Variants in KIAA0825 observed in about 807,000 individuals in gnomAD.
The protein encoded by KIAA0825 is uncharacterized protein KIAA0825.
Under a neutral mutation model 147.6 loss-of-function variants are expected in KIAA0825, and 119 were observed. The observed-to-expected ratio is 0.81, with a 90% CI of 0.69 to 0.94. KIAA0825 has a LOEUF of 0.94. KIAA0825 is among the 40% of genes least tolerant of loss of function. The probability of loss-of-function intolerance (pLI) is 0.00; values close to 1 mark genes in which losing one functional copy is unlikely to be tolerated. For synonymous variants in KIAA0825, 470 were observed against 518.1 expected, an observed-to-expected ratio of 0.91 and a Z score of 1.26; for missense variants, 1,381 against 1,472.7, an observed-to-expected ratio of 0.94 and a Z score of 1.02.
At chr5:94,582,203 C>T (rs913230418) in intron 2 of KIAA0825, among the ~76,000 whole-genome samples, 8 of 152,016 alleles carry the variant, frequency 5.3e-5, no homozygotes, top group Admixed American at 5.2e-4. Context: ...TGCCGGTGGC[C>T]CTGCTGCAGT....
intron 20 of KIAA0825, among the ~76,000 whole-genome samples, chr5:94,193,166 T>C (rs1770829614): frequency 6.6e-6 from 1 of 152,154 alleles, no homozygotes. Context: ...ATCCTGTTCC[T>C]GACTGTGAAG....
At chr5:94,300,908 G>A (rs1428281406) in intron 20 of KIAA0825, among the ~76,000 whole-genome samples, 1 of 152,132 alleles carries the variant, frequency 6.6e-6, no homozygotes, top group Non-Finnish European at 1.5e-5. Context: ...TACTTTGACG[G>A]ATTGAGTCAG....
chr5:94,458,422 G>A (rs1759400042), intron 12 of KIAA0825, among the ~76,000 whole-genome samples: 1 of 152,186 alleles, frequency 6.6e-6, no homozygotes, highest in Non-Finnish European at 1.5e-5. Context: ...GCAATTGTGG[G>A]TGGTAGACAG....
At chr5:94,215,937 A>G (rs1300804795) in intron 20 of KIAA0825, among the ~76,000 whole-genome samples, 1 of 152,080 alleles carries the variant, frequency 6.6e-6, no homozygotes, top group Admixed American at 6.6e-5. Context: ...TATTCTAGAC[A>G]ATTTCACCAC....
intron 20 of KIAA0825, among the ~76,000 whole-genome samples, chr5:94,191,623 G>C (rs959962919): frequency 6.6e-6 from 1 of 152,092 alleles, no homozygotes; most frequent in Non-Finnish European, 1.5e-5. Flanking sequence ...AACAAAAAAA[G>C]TTGTATAAAA....
At chr5:94,250,209 T>C (rs1374315366) in intron 20 of KIAA0825, among the ~76,000 whole-genome samples, 2 of 152,116 alleles carry the variant, frequency 1.3e-5, no homozygotes, top group Non-Finnish European at 2.9e-5. Context: ...TACTACATTT[T>C]AAAGATCAAC....
chr5:94,364,505 C>A (rs1470972109), intron 20 of KIAA0825, among the ~76,000 whole-genome samples: 1 of 152,022 alleles, frequency 6.6e-6, no homozygotes, highest in African/African-American at 2.4e-5. Flanking sequence ...CCTCAGCCTC[C>A]CGAGTAGCTG....
intron 3 of KIAA0825, among the ~76,000 whole-genome samples, chr5:94,529,296 CAT>C (rs60078669): frequency 1.2e-4 from 16 of 136,902 alleles, no homozygotes; most frequent in African/African-American, 2.1e-4. Context: ...ATGTATATAT[CAT>C]ATATATGTAT....
At chr5:94,378,454 TGTA>T (rs1747896761) in intron 20 of KIAA0825, among the ~76,000 whole-genome samples, 1 of 152,224 alleles carries the variant, frequency 6.6e-6, no homozygotes, top group South Asian at 2.1e-4. Context: ...TTTATGGCTA[TGTA>T]GTATTCTGTA....
rs1282143949 is a variant in KIAA0825, at chr5:94,417,365, T to C, written c.2498A>G (p.Lys833Arg). 3.9e-6 allele frequency: 6 copies of C among 1,541,930 alleles called. No individual in the cohort carries two copies. In the Admixed American group the frequency reaches 9.9e-5, roughly 25 times the overall value. Residue 833 changes from lysine (K) to arginine (R), a missense_variant and splice_region_variant, in exon 15 of 21, where the codon AAA (lysine) becomes AGA (arginine). Coordinates refer to ENST00000682413, the MANE Select transcript of KIAA0825 (RefSeq NM_001145678.3). ...GTTATTTTCTGTGTCGGAAACTTGT[T>C]CTTGAAAGGTACGTTCTTGAAAGGA... ...LLLRILLKSS[K>R]QVSDTENNLN... is the part of the protein sequence containing the mutation.
chr5:94,535,329 G>A (rs1366347459), intron 3 of KIAA0825, among the ~76,000 whole-genome samples: 2 of 151,678 alleles, frequency 1.3e-5, no homozygotes, highest in African/African-American at 4.8e-5. Context: ...GGCCAATGTC[G>A]TGAAACCCTG....
intron 1 of KIAA0825, among the ~76,000 whole-genome samples, chr5:94,583,771 G>A (rs186556233): frequency 2.4e-3 from 359 of 152,226 alleles, no homozygotes; most frequent in African/African-American, 8.4e-3. Context: ...ACATCTCCCA[G>A]TCAGGGCTGA....
At chr5:94,589,578 A>G (rs1195103136) in intron 1 of KIAA0825, among the ~76,000 whole-genome samples, 1 of 152,172 alleles carries the variant, frequency 6.6e-6, no homozygotes, top group Non-Finnish European at 1.5e-5. Context: ...TAATATTACA[A>G]AATAACGCTC....
At chr5:94,519,257 T>G in intron 5 of KIAA0825, 2 of 889,924 alleles carry the variant, frequency 2.2e-6, no homozygotes, top group Non-Finnish European at 2.7e-6. Flanking sequence ...CGCACAAGTA[T>G]AGTGAGCTAT....
intron 20 of KIAA0825, among the ~76,000 whole-genome samples, chr5:94,352,226 AAAAC>A (rs1215485203): frequency 2.6e-5 from 4 of 152,226 alleles, no homozygotes; most frequent in African/African-American, 4.8e-5. Context: ...CAGCAAGAAC[AAAAC>A]AAACAATCCC....
At chr5:94,287,805 T>C (rs1241688065) in intron 20 of KIAA0825, among the ~76,000 whole-genome samples, 1 of 152,138 alleles carries the variant, frequency 6.6e-6, no homozygotes, top group Non-Finnish European at 1.5e-5. Flanking sequence ...TTTTAAGTGA[T>C]CTTACTGGTG....
chr5:94,169,301 G>T (rs1238795001), intron 20 of KIAA0825, among the ~76,000 whole-genome samples: 2 of 152,162 alleles, frequency 1.3e-5, no homozygotes, highest in African/African-American at 4.8e-5. Context: ...TTTAAAACTG[G>T]CAGGGTGCAA....
chr5:94,478,235 T>A (rs1584622368), intron 6 of KIAA0825, among the ~76,000 whole-genome samples: 1 of 152,202 alleles, frequency 6.6e-6, no homozygotes, highest in East Asian at 1.9e-4. Flanking sequence ...ATCTTGTGCA[T>A]AAAGTGCGTT....
chr5:94,169,257 T>C (rs1278271234), intron 20 of KIAA0825, among the ~76,000 whole-genome samples: 3 of 152,212 alleles, frequency 2.0e-5, no homozygotes, highest in Non-Finnish European at 4.4e-5. Flanking sequence ...GCCTGACTCA[T>C]ATTTTGATTG....
Sources: allele counts gnomAD v4.1 joint callset (sites outside exome capture counted in the v4.1 genomes callset), GRCh38; gene constraint gnomAD v4.1.1; transcripts MANE v1.5; gene names NCBI Gene and HGNC (gene_info 2026-07-23, HGNC 2026-07-21).